The following CCSER1 variants were observed in gnomAD, a reference collection of about 807,000 sequenced individuals.
CCSER1 encodes coiled-coil serine rich protein 1.
CCSER1 carries 41 observed loss-of-function variants against 82.0 expected under a neutral mutation model. The observed-to-expected ratio is 0.50, with a 90% CI of 0.39 to 0.65. The LOEUF is 0.65. CCSER1 is among the 30% of genes least tolerant of loss of function. The probability of loss-of-function intolerance (pLI) is 0.00; values close to 1 mark genes in which losing one functional copy is unlikely to be tolerated. For synonymous variants in CCSER1, 414 were observed against 383.9 expected, an observed-to-expected ratio of 1.08 and a Z score of -0.92; for missense variants, 1,119 against 1,064.2, an observed-to-expected ratio of 1.05 and a Z score of -0.72.
rs57164334 is a variant in CCSER1, at chr4:91,297,385, A to ATGTGTGTGTGTGTGTGTGTGTG, written c.2217+211409_2217+211430dup. On this transcript the variant is annotated intron_variant, in intron 10 of 10. Transcript: ENST00000509176. ...GATGCTTGTGTGTGTGTGTGTGTGTATGTGTGTGTGTGTGTGTGTGTGTGT... is the reference window on the plus strand; with the variant it reads ...GATGCTTGTGTGTGTGTGTGTGTGTATGTGTGTGTGTGTGTGTGTGTGTGTGTGTGTGTGTGTGTGTGTGTGT... 7.6e-5 allele frequency among the ~76,000 whole-genome samples: 9 copies of ATGTGTGTGTGTGTGTGTGTGTG among 118,064 alleles called. No individual in the cohort carries two copies. In the South Asian group the frequency reaches 1.0e-3, roughly 13 times the overall value. The allele number at this position is 118,064 out of a possible 152,430, so 77.5% of individuals were successfully genotyped here.
In CCSER1 at chr4:90,346,145, G is replaced by A. The variant is rs555906828; in HGVS notation, c.1509+33098G>A. Among the ~76,000 whole-genome samples, 69 of 152,162 alleles carry A rather than the reference G, an allele frequency of 4.5e-4. 1 individual carries two copies. Among genetic ancestry groups the A allele is most frequent in the South Asian group, 1.0e-3 (5 of 4,822 alleles). ...AACACATTTTACCCAAATAATGGATGCCGCTTGGACTAATGGTTATAGAAG... is the reference window on the plus strand; with the variant it reads ...AACACATTTTACCCAAATAATGGATACCGCTTGGACTAATGGTTATAGAAG... On this transcript the variant is annotated intron_variant, in intron 3 of 10. Transcript: ENST00000509176.
chr4:91,501,043 G>T (rs1759181094), intron 10 of CCSER1, among the ~76,000 whole-genome samples: 1 of 151,638 alleles, frequency 6.6e-6, no homozygotes, highest in South Asian at 2.1e-4. Context: ...AATAATTATA[G>T]ATTAGTTGTT....
intron 10 of CCSER1, among the ~76,000 whole-genome samples, chr4:91,153,359 A>C (rs1453723715): frequency 1.3e-5 from 2 of 151,992 alleles, no homozygotes; most frequent in South Asian, 4.2e-4. Context: ...TTTCAGCTCC[A>C]TCAGGTCATT....
At chr4:90,194,990 G>A (rs780502387) in intron 1 of CCSER1, among the ~76,000 whole-genome samples, 2 of 151,966 alleles carry the variant, frequency 1.3e-5, no homozygotes, top group Non-Finnish European at 2.9e-5. Flanking sequence ...GAAGGAATTA[G>A]TTTGCATTGC....
intron 10 of CCSER1, among the ~76,000 whole-genome samples, chr4:91,184,970 A>G (rs1473099341): frequency 6.6e-6 from 1 of 152,208 alleles, no homozygotes; most frequent in Non-Finnish European, 1.5e-5. Flanking sequence ...GCCCTTCACA[A>G]TGCAAAATAT....
rs1732497955 is a variant in CCSER1, at chr4:91,169,220, A to AG, written c.2217+83227dup. The stretch of plus-strand genomic sequence containing the variant: ...AAATACTAAAAAAAAAAAAAAAAAA[A>AG]GATTGGTCACTGAGATGAGTTGTTG... On this transcript the variant is annotated intron_variant, in intron 10 of 10. Coordinates refer to ENST00000509176, the MANE Select transcript of CCSER1 (RefSeq NM_001145065.2). 2.0e-5 allele frequency among the ~76,000 whole-genome samples: 3 copies of AG among 150,080 alleles called. 1 individual carries two copies. Among genetic ancestry groups the AG allele is most frequent in the African/African-American group, 7.3e-5 (3 of 40,830 alleles).
chr4:90,530,844 A>C (rs1175405164), intron 5 of CCSER1, among the ~76,000 whole-genome samples: 1 of 152,074 alleles, frequency 6.6e-6, no homozygotes, highest in Non-Finnish European at 1.5e-5. Flanking sequence ...TAGTCACATG[A>C]AACTGCTGCC....
At chr4:90,955,901 A>G (rs1402148175) in intron 9 of CCSER1, among the ~76,000 whole-genome samples, 1 of 152,174 alleles carries the variant, frequency 6.6e-6, no homozygotes. Flanking sequence ...TAAAGAAGCC[A>G]ATCTAAAATA....
intron 10 of CCSER1, among the ~76,000 whole-genome samples, chr4:91,347,918 A>T (rs575234912): frequency 3.8e-4 from 58 of 151,794 alleles, no homozygotes; most frequent in African/African-American, 1.1e-3. Context: ...TCACCACCTT[A>T]AAAAGACAGT....
rs923099441 is a variant in CCSER1 at position 91,602,034 on chromosome 4, C to CACA, written c.*2981_*2983dup. The CACA allele has an allele frequency of 3.3e-5, 5 of 152,032 alleles. No individual in the cohort carries two copies. The highest frequency in any genetic ancestry group is 2.6e-4 in the Admixed American group (4 of 15,232). The allele number at this position is 152,032 out of a possible 1,614,324, so 9.4% of individuals were successfully genotyped here. A position where few individuals can be genotyped will look rare whatever the true frequency, so the allele number is the denominator to read the frequency against. ...GGAGCACCATAGTCTTTGTTCAAAT[C>CACA]ACAACATGAAACTGTTGCTGCAATG... On this transcript the variant is annotated 3_prime_UTR_variant, in exon 11 of 11. Transcript: ENST00000509176.
At chr4:91,171,530 T>A (rs1732756470) in intron 10 of CCSER1, among the ~76,000 whole-genome samples, 1 of 152,182 alleles carries the variant, frequency 6.6e-6, no homozygotes, top group Non-Finnish European at 1.5e-5. Context: ...TCAGCATAAC[T>A]TATGTTTTAC....
intron 10 of CCSER1, among the ~76,000 whole-genome samples, chr4:91,506,170 G>A (rs1333093764): frequency 6.6e-6 from 1 of 152,132 alleles, no homozygotes; most frequent in Non-Finnish European, 1.5e-5. Flanking sequence ...AGTTTTCCTA[G>A]CACCATTTAT....
intron 10 of CCSER1, among the ~76,000 whole-genome samples, chr4:91,409,030 A>G (rs763460794): frequency 5.3e-4 from 81 of 152,300 alleles, no homozygotes; most frequent in Non-Finnish European, 1.1e-3. Context: ...TTCATGTATC[A>G]TACTCCATTC....
At chr4:90,872,789 TG>T (rs1160121827) in intron 8 of CCSER1, among the ~76,000 whole-genome samples, 1 of 152,044 alleles carries the variant, frequency 6.6e-6, no homozygotes, top group East Asian at 1.9e-4. Context: ...TAGCATTTAT[TG>T]TAGAACGTGT....
intron 10 of CCSER1, among the ~76,000 whole-genome samples, chr4:91,522,583 C>T (rs1180632161): frequency 1.3e-5 from 2 of 152,084 alleles, no homozygotes; most frequent in Non-Finnish European, 2.9e-5. Context: ...TGAAGAAGTC[C>T]TTCACATACC....
At chr4:91,285,151 A>C (rs931136985) in intron 10 of CCSER1, among the ~76,000 whole-genome samples, 2 of 151,570 alleles carry the variant, frequency 1.3e-5, no homozygotes, top group African/African-American at 4.8e-5. Context: ...TATCGTCTAC[A>C]TTTCTAATGT....
chr4:90,769,392 C>T (rs1375436198), intron 7 of CCSER1, among the ~76,000 whole-genome samples: 1 of 152,110 alleles, frequency 6.6e-6, no homozygotes, highest in African/African-American at 2.4e-5. Context: ...AGGGAGTAGA[C>T]TGAGAGAGCT....
intron 6 of CCSER1, among the ~76,000 whole-genome samples, chr4:90,714,581 C>T (rs1256802956): frequency 6.6e-6 from 1 of 151,914 alleles, no homozygotes; most frequent in African/African-American, 2.4e-5. Context: ...GAATTTCTTT[C>T]CCTGGGAAAA....
In CCSER1 at chr4:91,105,092, A is replaced by G. The variant is rs565931620; in HGVS notation, c.2217+19098A>G. ...CTGAATCTCCATTGTCTATCATTTC[A>G]CTCTTTACCTTCATATAGAGTTTAG... On this transcript the variant is annotated intron_variant, in intron 10 of 10. Coordinates refer to ENST00000509176, the MANE Select transcript of CCSER1 (RefSeq NM_001145065.2). Among the ~76,000 whole-genome samples the G allele has an allele frequency of 3.4e-4, 51 of 151,996 alleles. No individual in the cohort carries two copies. The South Asian group carries it at 0.01, about 30-fold the overall frequency.
Sources: gnomAD v4.1 joint callset for allele counts (sites outside exome capture counted in the v4.1 genomes callset) on GRCh38, gnomAD v4.1.1 for gene constraint, MANE v1.5 for transcripts, NCBI Gene and HGNC (gene_info 2026-07-23, HGNC 2026-07-21) for gene names.